The following VWA5B2 variants were observed in gnomAD, a reference collection of about 807,000 sequenced individuals.
VWA5B2 encodes the protein von Willebrand factor A domain containing 5B2, also known as von Willebrand factor A domain-containing protein 5B2.
In VWA5B2, 93 loss-of-function variants were observed where a neutral mutation model predicts 118.5. The ratio of observed to expected loss-of-function variants is 0.79; its 90% CI spans 0.66 to 0.93. The LOEUF (loss-of-function observed/expected upper bound fraction) is 0.93, where lower values mean the gene tolerates loss of function less well. Among genes scored for constraint, VWA5B2 ranks in the 40% least tolerant of loss-of-function variants. VWA5B2 has a pLI of 0.00. For synonymous variants in VWA5B2, 708 were observed against 716.3 expected, an observed-to-expected ratio of 0.99 and a Z score of 0.19; for missense variants, 1,546 against 1,672.8, an observed-to-expected ratio of 0.92 and a Z score of 1.32.
At position 184,239,777 on chromosome 3, in the gene VWA5B2, G is replaced by A. The variant is rs1718372074; in HGVS notation, c.2481G>A (p.Leu827=). The A allele has an allele frequency of 2.0e-6, 3 of 1,537,098 alleles. No homozygotes were observed. The highest frequency in any genetic ancestry group is 2.4e-5 in the South Asian group (2 of 82,714). Residue 827 remains leucine (L), a synonymous_variant, in exon 16 of 20, where the codon TTG becomes TTA. Transcript: ENST00000691901. The surrounding 1 kb of genome is among the most constrained non-coding windows in gnomAD (Gnocchi z 5.1). ...LFTAVPPSGE[L]APPAVPPQAP... is the part of the protein sequence containing the mutation. Reference sequence around the variant, plus strand: ...CGGCTGTGCCTCCTAGTGGGGAGTTGGCCCCTCCAGCAGTGCCTCCCCAGG... The same window carrying A: ...CGGCTGTGCCTCCTAGTGGGGAGTTAGCCCCTCCAGCAGTGCCTCCCCAGG...
intron 11 of VWA5B2, among the ~76,000 whole-genome samples, chr3:184,236,969 C>G (rs987163694): frequency 6.6e-6 from 1 of 152,178 alleles, no homozygotes; most frequent in Non-Finnish European, 1.5e-5. Context: ...AGTCCTGGAA[C>G]GGAGCCTCGT....
At position 184,241,471 on chromosome 3, in the gene VWA5B2, C is replaced by T; in HGVS notation, c.3181-19C>T. 3 of 1,552,106 alleles carry T rather than the reference C, an allele frequency of 1.9e-6. No homozygotes were observed. Among genetic ancestry groups the T allele is most frequent in the African/African-American group, 1.4e-5 (1 of 73,390 alleles). On this transcript the variant is annotated intron_variant, in intron 19 of 19. Transcript: ENST00000691901. This position sits in a 1 kb window ranked among gnomAD's most constrained non-coding sequence, Gnocchi z 5.1. ...GCGCTGTTTCAGCTCGCTTCTCCCCCCACCTCCTCTCTCCTCAGGTGCGGC... is the reference window on the plus strand; with the variant it reads ...GCGCTGTTTCAGCTCGCTTCTCCCCTCACCTCCTCTCTCCTCAGGTGCGGC...
chr3:184,238,790 C>A lies in VWA5B2; in HGVS notation c.2119C>A (p.Gln707Lys). 1 of 1,548,164 alleles carries A rather than the reference C, an allele frequency of 6.5e-7. No homozygotes were observed. Among genetic ancestry groups the A allele is most frequent in the Non-Finnish European group, 8.7e-7 (1 of 1,144,852 alleles). The change falls in exon 14 of 20, where the codon CAG becomes AAG. Residue 707 changes from glutamine to lysine, a missense_variant. By Grantham distance (53) the Gln-to-Lys change is moderately conservative. This residue lies in a region of VWA5B2 where 763 missense variants were observed against 766.6 expected (regional missense o/e 1.00). Coordinates refer to ENST00000691901, the MANE Select transcript of VWA5B2 (RefSeq NM_001390846.1). This position sits in a 1 kb window ranked among gnomAD's most constrained non-coding sequence, Gnocchi z 5.0. ...TGCTCCCTTGGAGCCCCCTTCTCAG[C>A]AGGGCTGCCGCAGTCTGGCCTGGGG... ...GSAPLEPPSQ[Q>K]GCRSLAWGEP... is the part of the protein sequence containing the mutation.
chr3:184,236,105 A>G, intron 8 of VWA5B2, 47 bp from the exon 9 acceptor site: 1 of 1,492,618 alleles, frequency 6.7e-7, no homozygotes, highest in Non-Finnish European at 9.1e-7. Context: ...GCTCTGTATC[A>G]GGGCCCATGG....
At position 184,233,641 on chromosome 3, in the gene VWA5B2, C is replaced by T; in HGVS notation, c.596C>T (p.Ala199Val). The T allele has an allele frequency of 2.6e-6, 4 of 1,551,294 alleles. No individual in the cohort carries two copies. Among genetic ancestry groups the T allele is most frequent in the Non-Finnish European group, 1.7e-6 (2 of 1,146,942 alleles). Residue 199 changes from alanine (A) to valine (V), a missense_variant, in exon 5 of 20, where the codon GCC (alanine) becomes GTC (valine). Physicochemically the swap from Ala to Val is moderately conservative, Grantham distance 64. This residue lies in a region of VWA5B2 where 775 missense variants were observed against 882.3 expected (regional missense o/e 0.88). Coordinates refer to ENST00000691901, the MANE Select transcript of VWA5B2 (RefSeq NM_001390846.1). The surrounding 1 kb of genome is among the most constrained non-coding windows in gnomAD (Gnocchi z 5.2). ...EEGLAWEELA[A>V]PRDVFSGPAR... ...GGGCTGGCCTGGGAGGAGCTGGCTG[C>T]CCCTCGGGACGTGTTCTCAGGCCCT...
At position 184,237,361 on chromosome 3, in the gene VWA5B2, G is replaced by C; in HGVS notation, c.1669G>C (p.Gly557Arg). 1 of 1,551,200 alleles carries C rather than the reference G, an allele frequency of 6.4e-7. No homozygotes were observed. Among genetic ancestry groups the C allele is most frequent in the South Asian group, 1.2e-5 (1 of 84,054 alleles). The change falls in exon 12 of 20, where the codon GGT becomes CGT. Residue 557 changes from glycine to arginine, a missense_variant. Gly to Arg is a moderately radical substitution (Grantham distance 125, BLOSUM62 -2). Transcript: ENST00000691901. The surrounding 1 kb of genome is among the most constrained non-coding windows in gnomAD (Gnocchi z 5.6). ...PALYPGDQLL[G>R]YCSLFRVDGF... Reference sequence around the variant, plus strand: ...ACTCTACCCTGGGGACCAGCTGCTCGGTTACTGCTCACTCTTCAGGGTGGA... The same window carrying C: ...ACTCTACCCTGGGGACCAGCTGCTCCGTTACTGCTCACTCTTCAGGGTGGA...
Position 184,236,178 on chromosome 3 carries a change from C to A in VWA5B2, c.1128C>A (p.Ser376=). ...ATGCCATTGTTTTGGCTGTGAAGTC[C>A]CTCCCGCCCCAGACGCTTATCAACC... The part of the protein sequence containing the change: ...HKDAIVLAVK[S]LPPQTLINLA... The change falls in exon 9 of 20, where the codon TCC becomes TCA. Residue 376 remains serine, a synonymous_variant. Transcript: ENST00000691901. The A allele has an allele frequency of 6.4e-7, 1 of 1,551,668 alleles. No individual in the cohort carries two copies. The highest frequency in any genetic ancestry group is 8.7e-7 in the Non-Finnish European group (1 of 1,146,988).
Position 184,239,572 on chromosome 3 carries a change from T to C in VWA5B2, c.2381T>C (p.Leu794Pro). 1 of 1,524,296 alleles carries C rather than the reference T, an allele frequency of 6.6e-7. No individual in the cohort carries two copies. The highest frequency in any genetic ancestry group is 1.2e-5 in the South Asian group (1 of 81,722). The allele number at this position is 1,524,296 out of a possible 1,614,324, so 94.4% of individuals were successfully genotyped here. The change falls in exon 15 of 20, where the codon CTG (leucine) becomes CCG (proline). Residue 794 changes from leucine (L) to proline (P), a missense_variant. By Grantham distance (98) the Leu-to-Pro change is moderately conservative. Transcript: ENST00000691901. The surrounding 1 kb of genome is among the most constrained non-coding windows in gnomAD (Gnocchi z 5.1). The stretch of plus-strand genomic sequence containing the variant: ...CCAGGCCAACAGTTGGGACAAGGCC[T>C]GGATGACTCAGGTAAGTGTTGGATG... ...PEPGQQLGQG[L>P]DDSGNLLSPA...
In VWA5B2 at chr3:184,234,614, G is replaced by T. The variant is rs1483748328; in HGVS notation, c.821-17G>T. ...AGGCAGGGCCTTCCTTGACAGAATT[G>T]TGTCCTCTCCTCTCAGAGCCCCATC... On this transcript the variant is annotated splice_polypyrimidine_tract_variant and intron_variant, in intron 6 of 19. Coordinates refer to ENST00000691901, the MANE Select transcript of VWA5B2 (RefSeq NM_001390846.1). 6.4e-7 allele frequency: 1 copy of T among 1,550,550 alleles called. No homozygotes were observed. The highest frequency in any genetic ancestry group is 2.0e-5 in the Admixed American group (1 of 50,894).
In VWA5B2 at chr3:184,236,498, C is replaced by T. The variant is rs759951876; in HGVS notation, c.1368C>T (p.Ala456=). The T allele has an allele frequency of 7.2e-5, 112 of 1,547,852 alleles. 1 individual carries two copies. Among genetic ancestry groups the T allele is most frequent in the Non-Finnish European group, 9.4e-5 (108 of 1,146,986 alleles). Residue 456 remains alanine, a synonymous_variant, in exon 10 of 20, where the codon GCC becomes GCT. Coordinates refer to ENST00000691901, the MANE Select transcript of VWA5B2 (RefSeq NM_001390846.1). ...LFLLTAASPM[A]ATTHRTLELM... is the part of the protein sequence containing the mutation. Reference sequence around the variant, plus strand: ...TGCTCACTGCTGCCTCACCCATGGCCGCCACTACCCACCGAACCCTGGAGC... The same window carrying T: ...TGCTCACTGCTGCCTCACCCATGGCTGCCACTACCCACCGAACCCTGGAGC...
chr3:184,241,224 G>A lies in VWA5B2; in HGVS notation c.3000G>A (p.Ser1000=), dbSNP rs780226997. 1.9e-6 allele frequency: 3 copies of A among 1,550,626 alleles called. No homozygotes were observed. The highest frequency in any genetic ancestry group is 2.7e-5 in the African/African-American group (2 of 73,026). ...GCTCTCCAGCAGGCGCCTGGGACTC[G>A]GACCAAAATGGCAACTCCAAGCGTG... The part of the protein sequence containing the change: ...QRGSPAGAWD[S]DQNGNSKRAL... The change falls in exon 19 of 20, where the codon TCG becomes TCA. Residue 1000 remains serine (S), a synonymous_variant. Coordinates refer to ENST00000691901, the MANE Select transcript of VWA5B2 (RefSeq NM_001390846.1). This position sits in a 1 kb window ranked among gnomAD's most constrained non-coding sequence, Gnocchi z 5.1.
Position 184,236,184 on chromosome 3 carries a change from G to GACGCTTATC in VWA5B2, c.1134_1135insACGCTTATC (p.Pro378_Pro379insThrLeuIle). 1 of 1,551,564 alleles carries GACGCTTATC rather than the reference G, an allele frequency of 6.4e-7. No individual in the cohort carries two copies. Among genetic ancestry groups the GACGCTTATC allele is most frequent in the Non-Finnish European group, 8.7e-7 (1 of 1,146,962 alleles). On this transcript the variant is annotated inframe_insertion, in exon 9 of 20. Transcript: ENST00000691901. Reference sequence around the variant, plus strand: ...TTGTTTTGGCTGTGAAGTCCCTCCCGCCCCAGACGCTTATCAACCTGGCCG... The same window carrying GACGCTTATC: ...TTGTTTTGGCTGTGAAGTCCCTCCCGACGCTTATCCCCCAGACGCTTATCAACCTGGCCG...
Position 184,233,357 on chromosome 3 carries a change from C to G in VWA5B2, c.490C>G (p.Pro164Ala). 6.5e-7 allele frequency: 1 copy of G among 1,540,162 alleles called. No individual in the cohort carries two copies. ...TVLTPLAPPG[P>A]PGPPRPPGLC... Reference sequence around the variant, plus strand: ...GCTCACCCCGCTGGCCCCGCCAGGCCCGCCGGGGCCCCCCAGGCCTCCGGG... The same window carrying G: ...GCTCACCCCGCTGGCCCCGCCAGGCGCGCCGGGGCCCCCCAGGCCTCCGGG... The change falls in exon 4 of 20, where the codon CCG becomes GCG. Residue 164 changes from proline (P) to alanine (A), a missense_variant. This residue lies in a region of VWA5B2 where 775 missense variants were observed against 882.3 expected (regional missense o/e 0.88). Transcript: ENST00000691901. The surrounding 1 kb of genome is among the most constrained non-coding windows in gnomAD (Gnocchi z 5.2).
At chr3:184,230,339 C>G in intron 1 of VWA5B2, 41 bp from the exon 2 acceptor site, 1 of 629,476 alleles carries the variant, frequency 1.6e-6, no homozygotes, top group South Asian at 3.2e-5. Flanking sequence ...CGCCACCACG[C>G]CTGCCGCCCC....
rs1364357493 is a variant in VWA5B2 at position 184,239,252 on chromosome 3, A to G, written c.2203-142A>G. 1.4e-5 allele frequency: 12 copies of G among 887,224 alleles called. No individual in the cohort carries two copies. The highest frequency in any genetic ancestry group is 1.8e-5 in the Non-Finnish European group (11 of 616,394). 55.0% of individuals were successfully genotyped at this position (887,224 alleles called of 1,614,324 possible). ...CCAAGGCCAGAGGTCACTGTAGGCC[A>G]TAAGGAACTTGGCCTTCCTCCTCAA... On this transcript the variant is annotated intron_variant, in intron 14 of 19. Coordinates refer to ENST00000691901, the MANE Select transcript of VWA5B2 (RefSeq NM_001390846.1). This position sits in a 1 kb window ranked among gnomAD's most constrained non-coding sequence, Gnocchi z 5.1.
At chr3:184,235,339 G>A (rs1158279448) in intron 8 of VWA5B2, 31 bp downstream of exon 8, 1 of 1,544,446 alleles carries the variant, frequency 6.5e-7, no homozygotes, top group Non-Finnish European at 8.8e-7. Context: ...GGCAGGCCTG[G>A]GGGTTGGGTG....
Position 184,238,282 on chromosome 3 carries a change from T to C in VWA5B2, c.1720-21T>C, listed in dbSNP as rs1251999493. On this transcript the variant is annotated intron_variant, in intron 12 of 19. Coordinates refer to ENST00000691901, the MANE Select transcript of VWA5B2 (RefSeq NM_001390846.1). This position sits in a 1 kb window ranked among gnomAD's most constrained non-coding sequence, Gnocchi z 5.0. ...AGCACATAACTGCAGTTAATTTTTT[T>C]CCCAATAATATTCTCTCTAGGGCCA... 5.5e-6 allele frequency: 8 copies of C among 1,464,262 alleles called. No individual in the cohort carries two copies. The highest frequency in any genetic ancestry group is 2.5e-5 in the East Asian group (1 of 39,774). The allele number at this position is 1,464,262 out of a possible 1,614,324, so 90.7% of individuals were successfully genotyped here. A position where few individuals can be genotyped will look rare whatever the true frequency, so the allele number is the denominator to read the frequency against.
Position 184,236,508 on chromosome 3 carries a change from C to A in VWA5B2, c.1378C>A (p.His460Asn), listed in dbSNP as rs1292510891. The stretch of plus-strand genomic sequence containing the variant: ...TGCCTCACCCATGGCCGCCACTACC[C>A]ACCGAACCCTGGAGCTCATGAGGTG... The part of the protein sequence containing the change: ...TAASPMAATT[H>N]RTLELMRWHR... The change falls in exon 10 of 20, where the codon CAC becomes AAC. Residue 460 changes from histidine (H) to asparagine (N), a missense_variant. By Grantham distance (68) the His-to-Asn change is moderately conservative. Around this residue, in one of 3 missense-constraint regions of VWA5B2, gnomAD observed 775 missense variants for 882.3 expected, o/e 0.88. Coordinates refer to ENST00000691901, the MANE Select transcript of VWA5B2 (RefSeq NM_001390846.1). 1 of 1,548,634 alleles carries A rather than the reference C, an allele frequency of 6.5e-7. No homozygotes were observed. Among genetic ancestry groups the A allele is most frequent in the Admixed American group, 2.0e-5 (1 of 51,012 alleles).
Position 184,238,702 on chromosome 3 carries a change from C to T in VWA5B2, c.2031C>T (p.Gly677=), listed in dbSNP as rs1215315326. The change falls in exon 14 of 20, where the codon GGC becomes GGT. Residue 677 remains glycine (G), a synonymous_variant. Coordinates refer to ENST00000691901, the MANE Select transcript of VWA5B2 (RefSeq NM_001390846.1). This position sits in a 1 kb window ranked among gnomAD's most constrained non-coding sequence, Gnocchi z 5.0. ...ACTGCTCTGCCAGCCCCGAGCCAGG[C>T]CCAGGCTCCACAGGCAGCAGTGAGT... is the stretch of plus-strand genomic sequence containing the variant. ...LTHCSASPEP[G]PGSTGSSESP... is the part of the protein sequence containing the mutation. The T allele has an allele frequency of 1.3e-6, 2 of 1,551,362 alleles. No homozygotes were observed. Among genetic ancestry groups the T allele is most frequent in the Admixed American group, 2.0e-5 (1 of 51,008 alleles).
Sources: allele counts gnomAD v4.1 joint callset (sites outside exome capture counted in the v4.1 genomes callset), GRCh38; gene constraint gnomAD v4.1.1; regional missense constraint gnomAD v4.1.1; non-coding constraint Gnocchi (gnomAD v3.1); transcripts MANE v1.5; gene names NCBI Gene and HGNC (gene_info 2026-07-23, HGNC 2026-07-21).